Variants in WASHC4 observed in about 807,000 individuals in gnomAD.
WASHC4 encodes WASH complex subunit 7.
WASHC4 carries 86 observed loss-of-function variants against 166.6 expected under a neutral mutation model. That is an observed-to-expected ratio of 0.52 (90% CI 0.43 to 0.62). The LOEUF (loss-of-function observed/expected upper bound fraction) is 0.62. Among genes scored for constraint, WASHC4 ranks in the 20% least tolerant of loss-of-function variants. The pLI is 0.00. For synonymous variants in WASHC4, 446 were observed against 451.6 expected (o/e 0.99, Z 0.16); for missense variants, 1,262 against 1,382.4 (o/e 0.91, Z 1.38).
At chr12:105,110,904 CTT>C (rs987622804) in intron 1 of WASHC4, among the ~76,000 whole-genome samples, 2 of 152,036 alleles carry the variant, frequency 1.3e-5, no homozygotes, top group Non-Finnish European at 2.9e-5. Context: ...AAGGTAGTAA[CTT>C]TATATATGGT....
chr12:105,152,392 GAGT>G lies in WASHC4; in HGVS notation c.2701_2703del (p.Val901del), dbSNP rs759197737. On this transcript the variant is annotated inframe_deletion, in exon 26 of 33. Transcript: ENST00000332180. ...TTCAATCGAGGCATCAGAAAACTTG[GAGT>G]AACACCTGAGGGACAGAGCTACCTT... 52 of 1,607,460 alleles carry G rather than the reference GAGT, an allele frequency of 3.2e-5. No homozygotes were observed. Among genetic ancestry groups the G allele is most frequent in the Non-Finnish European group, 4.3e-5 (50 of 1,174,194 alleles).
At position 105,147,514 on chromosome 12, in the gene WASHC4, C is replaced by G. The variant is rs184004547; in HGVS notation, c.2514+368C>G. On this transcript the variant is annotated intron_variant, in intron 24 of 32. Transcript: ENST00000332180. Reference sequence around the variant, plus strand: ...AAAGTCAACAATAGATAGTAATTTACTTAATGTTATTTATGCCCTTTTTGG... The same window carrying G: ...AAAGTCAACAATAGATAGTAATTTAGTTAATGTTATTTATGCCCTTTTTGG... The G allele has an allele frequency of 9.9e-6, 7 of 709,650 alleles. No individual in the cohort carries two copies. The Admixed American group carries it at 2.5e-4, about 26-fold the overall frequency. 44.0% of individuals were successfully genotyped at this position (709,650 alleles called of 1,614,324 possible). A position where few individuals can be genotyped will look rare whatever the true frequency, so the allele number is the denominator to read the frequency against.
At chr12:105,139,449 A>ATATATATATATT (rs1175380779) in intron 15 of WASHC4, among the ~76,000 whole-genome samples, 1 of 144,074 alleles carries the variant, frequency 6.9e-6, no homozygotes, top group Non-Finnish European at 1.5e-5. Context: ...ATATATATAT[A>ATATATATATATT]TATATATATG....
At chr12:105,109,664 T>C (rs1879461006) in intron 1 of WASHC4, among the ~76,000 whole-genome samples, 1 of 149,552 alleles carries the variant, frequency 6.7e-6, no homozygotes, top group African/African-American at 2.5e-5. Flanking sequence ...TTTTTTTTTT[T>C]TTTTTTCGAG....
chr12:105,145,775 A>G (rs571548448), intron 22 of WASHC4, among the ~76,000 whole-genome samples: 97 of 152,252 alleles, frequency 6.4e-4, no homozygotes, highest in East Asian at 1.3e-3. Flanking sequence ...AGAAAAAACT[A>G]TGGAACAGTT....
intron 13 of WASHC4, among the ~76,000 whole-genome samples, chr12:105,128,860 C>T (rs1048288283): frequency 1.3e-5 from 2 of 151,660 alleles, no homozygotes; most frequent in African/African-American, 4.9e-5. Context: ...CTCACTGTAA[C>T]CTCTGTCTCC....
rs1177678078 is a variant in WASHC4, at chr12:105,162,853, T to C, written c.3157+8T>C. On this transcript the variant is annotated splice_region_variant and intron_variant, in intron 30 of 32. Transcript: ENST00000332180. ...ATGATGGCTTTGCCATGGGTAAGCT[T>C]AATGGAATTGTTTTTCCATTAATTT... 1 of 1,467,628 alleles carries C rather than the reference T, an allele frequency of 6.8e-7. No homozygotes were observed. Among genetic ancestry groups the C allele is most frequent in the South Asian group, 1.2e-5 (1 of 86,100 alleles). 90.9% of individuals were successfully genotyped at this position (1,467,628 alleles called of 1,614,324 possible). A position where few individuals can be genotyped will look rare whatever the true frequency, so the allele number is the denominator to read the frequency against.
intron 6 of WASHC4, among the ~76,000 whole-genome samples, chr12:105,116,243 C>T (rs1361504772): frequency 2.0e-5 from 3 of 151,990 alleles, no homozygotes; most frequent in Admixed American, 6.6e-5. Context: ...AGTGCATGTA[C>T]GATGTGAAAA....
chr12:105,136,215 A>G (rs1882303590), intron 14 of WASHC4, among the ~76,000 whole-genome samples: 2 of 152,122 alleles, frequency 1.3e-5, no homozygotes, highest in Non-Finnish European at 2.9e-5. Flanking sequence ...GATGAGCCCC[A>G]AGCTCCTGTT....
At position 105,137,868 on chromosome 12, in the gene WASHC4, C is replaced by A; in HGVS notation, c.1327-18C>A. ...GAAAATCTTTCCTTGTGATTATAAT[C>A]AATGTTTTCCTTTACAGGGCTTCTT... On this transcript the variant is annotated intron_variant, in intron 14 of 32. Coordinates refer to ENST00000332180, the MANE Select transcript of WASHC4 (RefSeq NM_015275.3). The A allele has an allele frequency of 1.3e-6, 2 of 1,589,772 alleles. No homozygotes were observed. The highest frequency in any genetic ancestry group is 2.2e-5 in the South Asian group (2 of 90,120).
At chr12:105,118,599 C>G in intron 7 of WASHC4, 71 bp downstream of exon 7, 1 of 896,492 alleles carries the variant, frequency 1.1e-6, no homozygotes, top group South Asian at 1.3e-5. Flanking sequence ...AAATTAATAA[C>G]TTGTAATAGT....
intron 6 of WASHC4, among the ~76,000 whole-genome samples, chr12:105,117,390 G>A (rs1386245287): frequency 7.3e-5 from 11 of 151,656 alleles, no homozygotes; most frequent in Non-Finnish European, 1.3e-4. Flanking sequence ...TTTTTTAATC[G>A]CTTAATTTAT....
At chr12:105,155,453 G>A (rs1884066526) in intron 26 of WASHC4, among the ~76,000 whole-genome samples, 2 of 150,736 alleles carry the variant, frequency 1.3e-5, no homozygotes, top group Admixed American at 6.7e-5. Context: ...AAGTGGCAGG[G>A]CATGCTATCT....
intron 24 of WASHC4, 156 bp downstream of exon 24, chr12:105,147,302 C>T: frequency 1.6e-6 from 1 of 639,208 alleles, no homozygotes; most frequent in East Asian, 2.8e-5. Flanking sequence ...AATGTCTGGT[C>T]CTAAAATTGT....
chr12:105,114,450 T>G (rs1879981458), intron 4 of WASHC4, 23 bp downstream of exon 4: 1 of 1,440,010 alleles, frequency 6.9e-7, no homozygotes, highest in Non-Finnish European at 9.6e-7. Context: ...ATTCTTGTCT[T>G]AAAACTTTAA....
At chr12:105,111,041 C>G (rs577292869) in intron 1 of WASHC4, 84 bp from the exon 2 acceptor site, 3 of 980,146 alleles carry the variant, frequency 3.1e-6, no homozygotes, top group Admixed American at 1.9e-5. Context: ...CAGTGCTTTG[C>G]GTGACTTTTG....
Position 105,121,149 on chromosome 12 carries a change from G to C in WASHC4, c.610G>C (p.Asp204His). The C allele has an allele frequency of 6.2e-7, 1 of 1,612,960 alleles. No individual in the cohort carries two copies. ...GELLTVLLTL[D>H]EIIDNHITLK... is the part of the protein sequence containing the mutation. ...ACTGCTAACAGTTTTGCTCACCCTG[G>C]ATGAAATTATTGATAATCATATCAC... Residue 204 changes from aspartate to histidine, a missense_variant, in exon 9 of 33, where the codon GAT becomes CAT. By Grantham distance (81) the Asp-to-His change is moderately conservative. Transcript: ENST00000332180.
chr12:105,128,679 A>T (rs1566004794), intron 13 of WASHC4, among the ~76,000 whole-genome samples: 1 of 152,144 alleles, frequency 6.6e-6, no homozygotes, highest in Non-Finnish European at 1.5e-5. Context: ...ATATTCCAAG[A>T]TCTGAAATAC....
At chr12:105,147,234 A>T in intron 24 of WASHC4, 88 bp downstream of exon 24, 1 of 796,422 alleles carries the variant, frequency 1.3e-6, no homozygotes. Flanking sequence ...TGCGGTAAAC[A>T]TACACTACTA....
Sources: allele counts gnomAD v4.1 joint callset (sites outside exome capture counted in the v4.1 genomes callset), GRCh38; gene constraint gnomAD v4.1.1; transcripts MANE v1.5; gene names NCBI Gene and HGNC (gene_info 2026-07-23, HGNC 2026-07-21).